Variants in DOCK2 observed in about 807,000 individuals in gnomAD.
DOCK2 encodes dedicator of cytokinesis 2, also known as dedicator of cytokinesis protein 2.
Under a neutral mutation model 248.9 loss-of-function variants are expected in DOCK2, and 87 were observed. The ratio of observed to expected loss-of-function variants is 0.35; its 90% CI spans 0.29 to 0.42. DOCK2 has a LOEUF of 0.42. Among genes scored for constraint, DOCK2 ranks in the 10% least tolerant of loss-of-function variants. DOCK2 has a pLI of 1.00. For synonymous variants in DOCK2, 805 were observed against 821.6 expected (o/e 0.98, Z 0.35); for missense variants, 1,747 against 2,300.2 (o/e 0.76, Z 4.92).
In DOCK2 at chr5:170,045,769, A is replaced by G. The variant is rs201916521; in HGVS notation, c.3877-47A>G. ...GTCCCTTCCTCAGCAAGCGCTCTGC[A>G]AACCCGGTGGTGCCACCTCACCTTT... On this transcript the variant is annotated intron_variant, in intron 38 of 51. Transcript: ENST00000520908. The G allele has an allele frequency of 2.1e-5, 33 of 1,594,614 alleles. No homozygotes were observed. In the East Asian group the frequency reaches 6.9e-4, roughly 33 times the overall value.
chr5:169,689,360 C>A, intron 9 of DOCK2, 27 bp downstream of exon 9: 2 of 1,612,038 alleles, frequency 1.2e-6, no homozygotes, highest in Non-Finnish European at 1.7e-6. Flanking sequence ...TTCTCGTTAC[C>A]GTGCTCCCCA....
intron 1 of DOCK2, among the ~76,000 whole-genome samples, chr5:169,643,236 G>T (rs1054591111): frequency 4.6e-5 from 7 of 152,172 alleles, no homozygotes; most frequent in African/African-American, 1.7e-4. Flanking sequence ...CACCAGGTCA[G>T]CTTCTGCTTT....
chr5:170,018,567 T>A (rs1178330790), intron 32 of DOCK2, among the ~76,000 whole-genome samples: 1 of 152,196 alleles, frequency 6.6e-6, no homozygotes, highest in Non-Finnish European at 1.5e-5. Context: ...AAAATCCCAT[T>A]TAAAAACTCT....
intron 27 of DOCK2, among the ~76,000 whole-genome samples, chr5:169,850,557 T>G (rs111923752): frequency 7.0e-6 from 1 of 142,004 alleles, no homozygotes; most frequent in Admixed American, 6.9e-5. Flanking sequence ...GTAAAAAAAA[T>G]TAGACAAGAG....
At chr5:170,046,765 C>CCT (rs1756728484) in intron 39 of DOCK2, among the ~76,000 whole-genome samples, 1 of 146,734 alleles carries the variant, frequency 6.8e-6, no homozygotes, top group Non-Finnish European at 1.5e-5. Flanking sequence ...AAGACACACA[C>CCT]ACATACACAC....
chr5:170,040,719 A>G (rs1238863580), intron 36 of DOCK2: 2 of 239,934 alleles, frequency 8.3e-6, no homozygotes, highest in Non-Finnish European at 1.4e-5. Flanking sequence ...ACCATTCATT[A>G]TCAAGTTGCA....
intron 6 of DOCK2, 35 bp downstream of exon 6, chr5:169,674,480 C>T (rs780712308): frequency 9.0e-5 from 145 of 1,609,538 alleles, no homozygotes; most frequent in Non-Finnish European, 1.2e-4. Flanking sequence ...AGGTTTTCTT[C>T]CCCCAGCCAT....
At chr5:170,027,170 T>A (rs1755949982) in intron 33 of DOCK2, among the ~76,000 whole-genome samples, 1 of 152,080 alleles carries the variant, frequency 6.6e-6, no homozygotes, top group East Asian at 1.9e-4. Flanking sequence ...CTCATTTTGC[T>A]AAGAGGTCCA....
chr5:169,911,687 A>G (rs1038516824), intron 27 of DOCK2, among the ~76,000 whole-genome samples: 30 of 152,238 alleles, frequency 2.0e-4, no homozygotes, highest in African/African-American at 7.2e-4. Context: ...GTTTCCTATA[A>G]TTAGCCAAGA....
At chr5:169,743,806 A>G (rs1763457311) in intron 22 of DOCK2, among the ~76,000 whole-genome samples, 1 of 149,098 alleles carries the variant, frequency 6.7e-6, no homozygotes, top group South Asian at 2.1e-4. Flanking sequence ...AATATTTTAA[A>G]ATATGTATAT....
chr5:169,988,937 A>G (rs948706482), intron 29 of DOCK2, among the ~76,000 whole-genome samples: 3 of 152,196 alleles, frequency 2.0e-5, no homozygotes, highest in Non-Finnish European at 4.4e-5. Flanking sequence ...TTTCTCCAAA[A>G]AGGTGCAACT....
intron 27 of DOCK2, among the ~76,000 whole-genome samples, chr5:169,902,048 C>T (rs1773956189): frequency 1.3e-5 from 2 of 152,134 alleles, no homozygotes; most frequent in South Asian, 4.2e-4. Flanking sequence ...TTTGTTTCTC[C>T]CTCTCTGTGT....
chr5:169,643,820 G>C (rs1481469664), intron 1 of DOCK2, among the ~76,000 whole-genome samples: 1 of 152,176 alleles, frequency 6.6e-6, no homozygotes, highest in East Asian at 1.9e-4. Flanking sequence ...GGGTCTGAAT[G>C]GGGTAATAGG....
Position 169,714,024 on chromosome 5 carries a change from C to A in DOCK2, c.1660-4C>A. The A allele has an allele frequency of 6.3e-7, 1 of 1,588,674 alleles. No individual in the cohort carries two copies. The highest frequency in any genetic ancestry group is 8.6e-7 in the Non-Finnish European group (1 of 1,164,130). ...TTGGGGCAGTAACCAAGTGTTGTTTCCAGGGGGACAGCAAGAAGATGGAGG... is the reference window on the plus strand; with the variant it reads ...TTGGGGCAGTAACCAAGTGTTGTTTACAGGGGGACAGCAAGAAGATGGAGG... On this transcript the variant is annotated splice_region_variant and splice_polypyrimidine_tract_variant and intron_variant, in intron 17 of 51. Coordinates refer to ENST00000520908, the MANE Select transcript of DOCK2 (RefSeq NM_004946.3).
intron 27 of DOCK2, among the ~76,000 whole-genome samples, chr5:169,919,492 T>G (rs1775057221): frequency 6.6e-6 from 1 of 152,248 alleles, no homozygotes; most frequent in Non-Finnish European, 1.5e-5. Context: ...GCCACCTGAT[T>G]TATTCTCTGA....
intron 25 of DOCK2, among the ~76,000 whole-genome samples, chr5:169,797,804 G>C (rs1164244814): frequency 6.6e-6 from 1 of 152,158 alleles, no homozygotes; most frequent in Non-Finnish European, 1.5e-5. Flanking sequence ...AACCATTTGT[G>C]TTTGTTGGCT....
At chr5:169,729,027 AC>A (rs1349406724) in intron 22 of DOCK2, among the ~76,000 whole-genome samples, 1 of 152,068 alleles carries the variant, frequency 6.6e-6, no homozygotes, top group African/African-American at 2.4e-5. Context: ...TGCTGGTTGA[AC>A]CCTTGCCTGA....
At position 170,028,189 on chromosome 5, in the gene DOCK2, A is replaced by T. The variant is rs1561887856; in HGVS notation, c.3467+241A>T. Reference sequence around the variant, plus strand: ...AATCTTTGCTGTGTTGGGAAGAGGGAAATAATTTACCAAAATGTCTACTTT... The same window carrying T: ...AATCTTTGCTGTGTTGGGAAGAGGGTAATAATTTACCAAAATGTCTACTTT... On this transcript the variant is annotated intron_variant, in intron 34 of 51. Coordinates refer to ENST00000520908, the MANE Select transcript of DOCK2 (RefSeq NM_004946.3). 2.0e-5 allele frequency among the ~76,000 whole-genome samples: 3 copies of T among 152,194 alleles called. No individual in the cohort carries two copies. In the South Asian group the frequency reaches 6.2e-4, roughly 32 times the overall value.
intron 50 of DOCK2, 49 bp from the exon 51 acceptor site, chr5:170,081,793 G>C: frequency 2.1e-6 from 3 of 1,433,738 alleles, no homozygotes; most frequent in South Asian, 1.6e-5. Context: ...CCAAGGCACT[G>C]CCCCTCCTCT....
Sources: allele counts gnomAD v4.1 joint callset (sites outside exome capture counted in the v4.1 genomes callset), GRCh38; gene constraint gnomAD v4.1.1; transcripts MANE v1.5; gene names NCBI Gene and HGNC (gene_info 2026-07-23, HGNC 2026-07-21).